The following EXOC6B variants were observed in gnomAD, a reference collection of about 807,000 sequenced individuals.
EXOC6B encodes exocyst complex component 6B.
EXOC6B carries 54 observed loss-of-function variants against 113.5 expected under a neutral mutation model. That is an observed-to-expected ratio of 0.48 (90% CI 0.38 to 0.60). EXOC6B has a LOEUF of 0.60. Ranked by LOEUF, EXOC6B falls within the 20% of genes least tolerant of loss-of-function variation. The probability of loss-of-function intolerance (pLI) is 0.00; values close to 1 mark genes in which losing one functional copy is unlikely to be tolerated. For synonymous variants in EXOC6B, 357 were observed against 339.0 expected (o/e 1.05, Z -0.58); for missense variants, 797 against 977.5 (o/e 0.82, Z 2.46).
At chr2:72,323,516 C>T (rs575969619) in intron 20 of EXOC6B, among the ~76,000 whole-genome samples, 1 of 152,186 alleles carries the variant, frequency 6.6e-6, no homozygotes, top group South Asian at 2.1e-4. Context: ...AATCATTCTA[C>T]TATAAAGACA....
intron 2 of EXOC6B, among the ~76,000 whole-genome samples, chr2:72,739,422 C>T (rs4852298): frequency 0.89 from 135,804 of 152,080 alleles, 60,687 homozygotes; most frequent in East Asian, 0.99. Flanking sequence ...TATTGATTTA[C>T]CAAGAATCTT....
At chr2:72,272,160 G>A (rs2104631989) in intron 20 of EXOC6B, among the ~76,000 whole-genome samples, 1 of 152,236 alleles carries the variant, frequency 6.6e-6, no homozygotes, top group South Asian at 2.1e-4. Flanking sequence ...TTCTGGCTGT[G>A]AAGTGCAGTG....
chr2:72,348,493 T>C (rs1022705614), intron 19 of EXOC6B, among the ~76,000 whole-genome samples: 4 of 152,214 alleles, frequency 2.6e-5, no homozygotes, highest in Admixed American at 2.6e-4. Flanking sequence ...CCTTTACTTG[T>C]ATTCTTCTCT....
At chr2:72,367,016 T>C (rs1294128598) in intron 19 of EXOC6B, among the ~76,000 whole-genome samples, 1 of 152,080 alleles carries the variant, frequency 6.6e-6, no homozygotes, top group African/African-American at 2.4e-5. Flanking sequence ...CATGGGTAAT[T>C]ATGAAATATA....
chr2:72,371,312 G>A (rs1690999444), intron 19 of EXOC6B, among the ~76,000 whole-genome samples: 1 of 152,098 alleles, frequency 6.6e-6, no homozygotes, highest in South Asian at 2.1e-4. Flanking sequence ...CTGAAAAATT[G>A]AGGAAGGAAT....
chr2:72,815,576 T>C (rs1446614245), intron 1 of EXOC6B, among the ~76,000 whole-genome samples: 1 of 151,586 alleles, frequency 6.6e-6, no homozygotes, highest in Admixed American at 6.6e-5. Flanking sequence ...AACATATTAT[T>C]GTGAGATTTT....
intron 20 of EXOC6B, among the ~76,000 whole-genome samples, chr2:72,189,610 T>A (rs921463260): frequency 1.3e-5 from 2 of 152,182 alleles, no homozygotes. Flanking sequence ...CTCAACACCA[T>A]CCTTCCTTGC....
intron 1 of EXOC6B, among the ~76,000 whole-genome samples, chr2:72,782,396 T>TTAAAA (rs1465684312): frequency 6.6e-6 from 1 of 152,154 alleles, no homozygotes; most frequent in Admixed American, 6.5e-5. Flanking sequence ...TTAAAATTAT[T>TTAAAA]TTATTGATAC....
At chr2:72,616,403 T>A (rs1430833933) in intron 6 of EXOC6B, among the ~76,000 whole-genome samples, 1 of 152,116 alleles carries the variant, frequency 6.6e-6, no homozygotes, top group Non-Finnish European at 1.5e-5. Context: ...AGTAACCAAG[T>A]GAGCAGGGTA....
At chr2:72,556,679 A>C (rs1703562070) in intron 8 of EXOC6B, among the ~76,000 whole-genome samples, 1 of 152,146 alleles carries the variant, frequency 6.6e-6, no homozygotes, top group Non-Finnish European at 1.5e-5. Flanking sequence ...GTTAAGATGA[A>C]AATCTAAATG....
chr2:72,568,652 T>G (rs1298146957), intron 7 of EXOC6B, among the ~76,000 whole-genome samples: 3 of 152,036 alleles, frequency 2.0e-5, no homozygotes, highest in African/African-American at 7.2e-5. Flanking sequence ...GGATACCATA[T>G]GTGTAACTTT....
At chr2:72,185,552 C>T (rs1678367352) in intron 20 of EXOC6B, among the ~76,000 whole-genome samples, 1 of 152,208 alleles carries the variant, frequency 6.6e-6, no homozygotes, top group Non-Finnish European at 1.5e-5. Context: ...GGGGGAGAGA[C>T]AGGCACACTG....
intron 18 of EXOC6B, among the ~76,000 whole-genome samples, chr2:72,391,138 C>G (rs570850464): frequency 2.0e-5 from 3 of 152,110 alleles, no homozygotes; most frequent in Non-Finnish European, 4.4e-5. Context: ...ATTTGTTGGT[C>G]TTCTCTCATG....
At chr2:72,781,736 C>T (rs1239344387) in intron 1 of EXOC6B, among the ~76,000 whole-genome samples, 1 of 152,100 alleles carries the variant, frequency 6.6e-6, no homozygotes, top group East Asian at 1.9e-4. Context: ...GGAAGTGACT[C>T]ATACGACTTA....
intron 1 of EXOC6B, among the ~76,000 whole-genome samples, chr2:72,795,474 G>A (rs1289298862): frequency 1.3e-5 from 2 of 152,146 alleles, no homozygotes; most frequent in African/African-American, 2.4e-5. Flanking sequence ...TACTCAGGAG[G>A]CTGAGGCAGG....
intron 19 of EXOC6B, among the ~76,000 whole-genome samples, chr2:72,344,532 G>C (rs1390454084): frequency 6.6e-6 from 1 of 151,688 alleles, no homozygotes; most frequent in African/African-American, 2.4e-5. Context: ...CTGGACATTT[G>C]AATCTAATAA....
intron 5 of EXOC6B, among the ~76,000 whole-genome samples, 184 bp downstream of exon 5, chr2:72,730,823 A>T (rs1226084251): frequency 6.6e-6 from 1 of 152,156 alleles, no homozygotes; most frequent in Admixed American, 6.5e-5. Context: ...ATAATACATG[A>T]CAGAACACAT....
chr2:72,708,786 C>A (rs372814875), intron 6 of EXOC6B, among the ~76,000 whole-genome samples: 2 of 152,026 alleles, frequency 1.3e-5, no homozygotes, highest in East Asian at 3.9e-4. Context: ...CTGGACTACA[C>A]TGCTGCAATC....
chr2:72,585,584 G>GAGACTCCGT (rs1705511346), intron 6 of EXOC6B, among the ~76,000 whole-genome samples: 8 of 146,122 alleles, frequency 5.5e-5, no homozygotes, highest in African/African-American at 1.8e-4. Context: ...GCAACTGAGT[G>GAGACTCCGT]CAAAAAAAAA....
Sources: allele counts gnomAD v4.1 joint callset (sites outside exome capture counted in the v4.1 genomes callset), GRCh38; gene constraint gnomAD v4.1.1; transcripts MANE v1.5; gene names NCBI Gene and HGNC (gene_info 2026-07-23, HGNC 2026-07-21).